Variants in PCNX2 observed in about 807,000 individuals in gnomAD.
PCNX2 encodes pecanex-like protein 2.
A neutral mutation model predicts 223.8 loss-of-function variants in PCNX2; 168 were observed. The ratio of observed to expected loss-of-function variants is 0.75; its 90% CI spans 0.66 to 0.85. The LOEUF (loss-of-function observed/expected upper bound fraction) is 0.85. Among genes scored for constraint, PCNX2 ranks in the 40% least tolerant of loss-of-function variants. PCNX2 has a pLI of 0.00. For synonymous variants in PCNX2, 1,006 were observed against 1,052.6 expected (o/e 0.96, Z 0.86); for missense variants, 2,507 against 2,675.5 (o/e 0.94, Z 1.39).
chr1:233,033,186 C>T (rs1671330642), intron 25 of PCNX2: 3 of 985,404 alleles, frequency 3.0e-6, no homozygotes, highest in Non-Finnish European at 3.6e-6. Flanking sequence ...GCTGTGTTTG[C>T]ACTGTCACAC....
At chr1:233,086,029 A>G (rs531613800) in intron 23 of PCNX2, among the ~76,000 whole-genome samples, 1 of 152,372 alleles carries the variant, frequency 6.6e-6, no homozygotes, top group South Asian at 2.1e-4. Flanking sequence ...ACATAAAGGC[A>G]AACTGTTAGA....
the PCNX2 span, among the ~76,000 whole-genome samples, chr1:233,321,722 A>AT: frequency 8.5e-5 from 13 of 152,130 alleles, no homozygotes; most frequent in African/African-American, 3.1e-4. Flanking sequence ...TAAAATCGGT[A>AT]TTTTTTACTG....
At chr1:233,324,597 A>AT in the PCNX2 span, among the ~76,000 whole-genome samples, 1 of 124,096 alleles carries the variant, frequency 8.1e-6, no homozygotes, top group African/African-American at 3.3e-5. Context: ...GGTTTACTGA[A>AT]ATTTTTTTTT....
chr1:233,060,826 G>A (rs1672379284), intron 23 of PCNX2, among the ~76,000 whole-genome samples: 2 of 152,124 alleles, frequency 1.3e-5, no homozygotes, highest in Non-Finnish European at 2.9e-5. Context: ...ATGCTGTCCT[G>A]AGCACTACAG....
At chr1:233,280,528 C>T (rs1417668188) in intron 1 of PCNX2, among the ~76,000 whole-genome samples, 2 of 152,120 alleles carry the variant, frequency 1.3e-5, no homozygotes, top group Admixed American at 6.5e-5. Flanking sequence ...GAACTCCTGA[C>T]CTCAGGTGAT....
intron 13 of PCNX2, among the ~76,000 whole-genome samples, chr1:233,206,901 C>T (rs549179997): frequency 6.6e-5 from 10 of 151,966 alleles, no homozygotes; most frequent in African/African-American, 2.2e-4. Context: ...ATCCCAGCTA[C>T]TTGGGAGGCT....
chr1:233,058,621 T>C (rs1672277653), intron 23 of PCNX2: 1 of 152,356 alleles, frequency 6.6e-6, no homozygotes, highest in South Asian at 2.1e-4. Flanking sequence ...GAAAGCCTGG[T>C]CTTGAACACA....
rs1669642247 is a variant in PCNX2 at position 232,990,136 on chromosome 1, C to G, written c.5792-3596G>C. Among the ~76,000 whole-genome samples, 1 of 152,216 alleles carries G rather than the reference C, an allele frequency of 6.6e-6. No individual in the cohort carries two copies. The highest frequency in any genetic ancestry group is 2.4e-5 in the African/African-American group (1 of 41,468). ...TGAGAAGGAGGCCAGAGACTGAAAT[C>G]AAATCCAGTTATCCTCACATCCCTG... On this transcript the variant is annotated intron_variant, in intron 32 of 33. Coordinates refer to ENST00000258229, the MANE Select transcript of PCNX2 (RefSeq NM_014801.4). This position sits in a 1 kb window ranked among gnomAD's most constrained non-coding sequence, Gnocchi z 4.3.
Position 232,984,452 on chromosome 1 carries a change from G to C in PCNX2, c.6266C>G (p.Pro2089Arg), listed in dbSNP as rs770185633. 5 of 1,613,288 alleles carry C rather than the reference G, an allele frequency of 3.1e-6. No homozygotes were observed. The African/African-American group carries it at 6.7e-5, about 22-fold the overall frequency. Residue 2089 changes from proline to arginine, a missense_variant, in exon 34 of 34, where the codon CCT becomes CGT. By Grantham distance (103) the Pro-to-Arg change is moderately radical. Coordinates refer to ENST00000258229, the MANE Select transcript of PCNX2 (RefSeq NM_014801.4). ...AAGCTGCCCCTGCTCGGTGGCATCA[G>C]GGGGCTCACATGGCTCGGAGAGGTG... ...TRHLSEPCEP[P>R]DATEQGQLHD...
At chr1:233,273,979 G>A (rs974995434) in intron 1 of PCNX2, among the ~76,000 whole-genome samples, 5 of 152,086 alleles carry the variant, frequency 3.3e-5, no homozygotes, top group African/African-American at 1.2e-4. Flanking sequence ...TAGCTTCTCT[G>A]GCTCCCATTG....
At chr1:233,249,165 C>G (rs10489807) in intron 8 of PCNX2, among the ~76,000 whole-genome samples, 18,619 of 152,096 alleles carry the variant, frequency 0.12, 3,196 homozygotes, top group African/African-American at 0.39. Flanking sequence ...TAAGGCTCTG[C>G]ATATATGGCC....
intron 23 of PCNX2, among the ~76,000 whole-genome samples, chr1:233,064,328 T>C (rs947717871): frequency 2.0e-5 from 3 of 152,222 alleles, no homozygotes; most frequent in Admixed American, 1.3e-4. Context: ...ATATGGGTAG[T>C]ATCGTTTTGA....
At chr1:233,080,161 T>C (rs1396121927) in intron 23 of PCNX2, among the ~76,000 whole-genome samples, 1 of 152,298 alleles carries the variant, frequency 6.6e-6, no homozygotes, top group African/African-American at 2.4e-5. Flanking sequence ...TTCGATCTCT[T>C]TTCCAGTACC....
intron 15 of PCNX2, among the ~76,000 whole-genome samples, chr1:233,183,376 G>A (rs1286227829): frequency 6.6e-6 from 1 of 152,166 alleles, no homozygotes; most frequent in Non-Finnish European, 1.5e-5. Context: ...TTAGCACCCT[G>A]ACATATCCTT....
At position 233,161,208 on chromosome 1, in the gene PCNX2, T is replaced by G. The variant is rs1410194658; in HGVS notation, c.3366+63A>C. 2.1e-6 allele frequency: 3 copies of G among 1,463,050 alleles called. 1 individual carries two copies. Among genetic ancestry groups the G allele is most frequent in the Non-Finnish European group, 2.9e-6 (3 of 1,051,702 alleles). The allele number at this position is 1,463,050 out of a possible 1,614,324, so 90.6% of individuals were successfully genotyped here. Reference sequence around the variant, plus strand: ...GTCTTGTCAATACCCTGTAGCTCCATGACAGCTTTGTTATTAAGGAGAATA... The same window carrying G: ...GTCTTGTCAATACCCTGTAGCTCCAGGACAGCTTTGTTATTAAGGAGAATA... On this transcript the variant is annotated intron_variant, in intron 18 of 33. Coordinates refer to ENST00000258229, the MANE Select transcript of PCNX2 (RefSeq NM_014801.4).
At chr1:233,288,852 G>A (rs200427017) in intron 1 of PCNX2, 68 of 624,178 alleles carry the variant, frequency 1.1e-4, no homozygotes, top group Non-Finnish European at 1.6e-4. Context: ...TTTTTATTTA[G>A]TCATTTTTGT....
intron 1 of PCNX2, among the ~76,000 whole-genome samples, chr1:233,264,076 A>G (rs1660205989): frequency 6.6e-6 from 1 of 152,162 alleles, no homozygotes; most frequent in African/African-American, 2.4e-5. Flanking sequence ...GACCATAGTG[A>G]GGTTCAGCTC....
At chr1:233,315,676 T>C in the PCNX2 span, among the ~76,000 whole-genome samples, 1 of 152,086 alleles carries the variant, frequency 6.6e-6, no homozygotes, top group Non-Finnish European at 1.5e-5. Flanking sequence ...CAGAGTAAAT[T>C]TGCGCAGGGA....
intron 15 of PCNX2, among the ~76,000 whole-genome samples, chr1:233,196,002 C>T (rs947551930): frequency 3.9e-5 from 6 of 152,080 alleles, no homozygotes; most frequent in Admixed American, 2.6e-4. Flanking sequence ...TTGGGAGACA[C>T]ACTATCTGAT....
Sources: allele counts gnomAD v4.1 joint callset (sites outside exome capture counted in the v4.1 genomes callset), GRCh38; gene constraint gnomAD v4.1.1; non-coding constraint Gnocchi (gnomAD v3.1); transcripts MANE v1.5; gene names NCBI Gene and HGNC (gene_info 2026-07-23, HGNC 2026-07-21).